The following XKR4 variants were observed in gnomAD, a reference collection of about 807,000 sequenced individuals.
The protein encoded by XKR4 is XK-related protein 4.
A neutral mutation model predicts 53.9 loss-of-function variants in XKR4; 12 were observed. The observed-to-expected ratio is 0.22, with a 90% CI of 0.14 to 0.36. The LOEUF is 0.36. XKR4 is among the 10% of genes least tolerant of loss of function. XKR4 has a pLI of 1.00. For synonymous variants in XKR4, 354 were observed against 362.4 expected, an observed-to-expected ratio of 0.98 and a Z score of 0.26; for missense variants, 799 against 859.5, an observed-to-expected ratio of 0.93 and a Z score of 0.88.
At chr8:55,227,043 G>A (rs547310924) in intron 1 of XKR4, among the ~76,000 whole-genome samples, 1 of 152,218 alleles carries the variant, frequency 6.6e-6, no homozygotes, top group East Asian at 1.9e-4. Context: ...AAGTCCTCTG[G>A]AATACTGCAA....
rs910868850 is a variant in XKR4 at position 55,540,428 on chromosome 8, A to G, written c.*16201A>G. On this transcript the variant is annotated 3_prime_UTR_variant, in exon 3 of 3. Coordinates refer to ENST00000327381, the MANE Select transcript of XKR4 (RefSeq NM_052898.2). ...ATGGTATCAAATAAGAAAAAAATGC[A>G]TCATTTGGTCAATTGCTTATTGAAG... The G allele has an allele frequency of 1.3e-5, 2 of 152,200 alleles. No individual in the cohort carries two copies. Among genetic ancestry groups the G allele is most frequent in the Non-Finnish European group, 2.9e-5 (2 of 68,030 alleles). The allele number at this position is 152,200 out of a possible 1,614,324, so 9.4% of individuals were successfully genotyped here.
intron 1 of XKR4, among the ~76,000 whole-genome samples, chr8:55,330,669 TC>T (rs1803370234): frequency 1.3e-5 from 2 of 152,172 alleles, no homozygotes; most frequent in Admixed American, 6.5e-5. Flanking sequence ...CTTCCTGGAA[TC>T]TTCACCTACA....
chr8:55,433,179 A>G (rs1009998506), intron 2 of XKR4, among the ~76,000 whole-genome samples: 1 of 152,252 alleles, frequency 6.6e-6, no homozygotes, highest in Admixed American at 6.5e-5. Context: ...ACCAAAATAT[A>G]TCACAGAGGA....
At chr8:55,504,067 T>G (rs1806485769) in intron 2 of XKR4, among the ~76,000 whole-genome samples, 1 of 152,210 alleles carries the variant, frequency 6.6e-6, no homozygotes, top group South Asian at 2.1e-4. Context: ...TACTTGGTCA[T>G]GGTACAAAAT....
chr8:55,221,872 T>C lies in XKR4; in HGVS notation c.806+118578T>C, dbSNP rs537829408. Reference sequence around the variant, plus strand: ...CCACTCCAGCCACCAACCCCAGCTGTCAGTTCATGAGGAAAGAGGAGGGTG... The same window carrying C: ...CCACTCCAGCCACCAACCCCAGCTGCCAGTTCATGAGGAAAGAGGAGGGTG... On this transcript the variant is annotated intron_variant, in intron 1 of 2. Coordinates refer to ENST00000327381, the MANE Select transcript of XKR4 (RefSeq NM_052898.2). Among the ~76,000 whole-genome samples, 7 of 152,260 alleles carry C rather than the reference T, an allele frequency of 4.6e-5. No homozygotes were observed. The South Asian group carries it at 1.5e-3, about 32-fold the overall frequency.
chr8:55,207,453 T>C (rs1817665349), intron 1 of XKR4, among the ~76,000 whole-genome samples: 1 of 152,200 alleles, frequency 6.6e-6, no homozygotes, highest in Non-Finnish European at 1.5e-5. Flanking sequence ...ACTGTACATG[T>C]GTGTACTGGG....
intron 1 of XKR4, among the ~76,000 whole-genome samples, chr8:55,333,530 C>T (rs944985840): frequency 1.3e-5 from 2 of 152,118 alleles, no homozygotes; most frequent in African/African-American, 4.8e-5. Context: ...GAGTTTCACC[C>T]CTTTTCTTTC....
intron 1 of XKR4, among the ~76,000 whole-genome samples, chr8:55,171,749 C>T (rs550267305): frequency 1.3e-5 from 2 of 152,224 alleles, no homozygotes; most frequent in Non-Finnish European, 2.9e-5. Flanking sequence ...TCCTCCCCTT[C>T]GCCTGACAGC....
chr8:55,114,163 A>G (rs962314633), intron 1 of XKR4, among the ~76,000 whole-genome samples: 4 of 152,254 alleles, frequency 2.6e-5, no homozygotes, highest in Middle Eastern at 3.4e-3. Context: ...GCTTTCCACA[A>G]TGTTTGAACT....
chr8:55,201,084 T>C (rs1171852781), intron 1 of XKR4, among the ~76,000 whole-genome samples: 2 of 152,238 alleles, frequency 1.3e-5, no homozygotes, highest in African/African-American at 2.4e-5. Flanking sequence ...TTTAAGGATA[T>C]GTATTGGCTC....
chr8:55,480,368 C>T (rs1470846218), intron 2 of XKR4, among the ~76,000 whole-genome samples: 2 of 152,192 alleles, frequency 1.3e-5, no homozygotes, highest in African/African-American at 4.8e-5. Flanking sequence ...ATGCTAAAAA[C>T]TCTCAATTAA....
At chr8:55,331,021 C>A (rs1438412259) in intron 1 of XKR4, among the ~76,000 whole-genome samples, 1 of 151,988 alleles carries the variant, frequency 6.6e-6, no homozygotes, top group African/African-American at 2.4e-5. Context: ...CAGTTCAGTG[C>A]TATTAAGTAT....
intron 1 of XKR4, among the ~76,000 whole-genome samples, chr8:55,177,552 T>G (rs953428418): frequency 6.6e-6 from 1 of 152,182 alleles, no homozygotes; most frequent in African/African-American, 2.4e-5. Context: ...CTTTGAAAGT[T>G]TGTTCCCCAA....
intron 1 of XKR4, among the ~76,000 whole-genome samples, chr8:55,105,741 T>G (rs1182412298): frequency 6.6e-6 from 1 of 152,184 alleles, no homozygotes; most frequent in Non-Finnish European, 1.5e-5. Context: ...ATCAGCATCA[T>G]TTTCTGTTTA....
At chr8:55,276,977 A>G (rs2129373280) in intron 1 of XKR4, among the ~76,000 whole-genome samples, 1 of 152,342 alleles carries the variant, frequency 6.6e-6, no homozygotes, top group South Asian at 2.1e-4. Context: ...GAACTATTGG[A>G]GGGATTAAAC....
intron 2 of XKR4, among the ~76,000 whole-genome samples, chr8:55,427,846 G>A (rs562228025): frequency 1.2e-4 from 19 of 152,172 alleles, no homozygotes; most frequent in African/African-American, 4.6e-4. Context: ...AGTGTGTAAA[G>A]GTGAAAAAGA....
chr8:55,450,670 C>A, intron 2 of XKR4: 1 of 593,882 alleles, frequency 1.7e-6, no homozygotes, highest in South Asian at 1.6e-5. Flanking sequence ...GAAGCCGCTG[C>A]TCTGTCCAGC....
At chr8:55,136,249 A>G (rs1358495413) in intron 1 of XKR4, among the ~76,000 whole-genome samples, 1 of 152,180 alleles carries the variant, frequency 6.6e-6, no homozygotes, top group Non-Finnish European at 1.5e-5. Flanking sequence ...CCATTATTTT[A>G]TAATCAAGAC....
At chr8:55,471,697 G>A (rs1805886702) in intron 2 of XKR4, among the ~76,000 whole-genome samples, 1 of 152,264 alleles carries the variant, frequency 6.6e-6, no homozygotes, top group South Asian at 2.1e-4. Flanking sequence ...GGAGGTGATT[G>A]GATCATGGGG....
Sources: allele counts gnomAD v4.1 joint callset (sites outside exome capture counted in the v4.1 genomes callset), GRCh38; gene constraint gnomAD v4.1.1; transcripts MANE v1.5; gene names NCBI Gene and HGNC (gene_info 2026-07-23, HGNC 2026-07-21).